DCAF10: variants seen among roughly 807,000 people sequenced by gnomAD.
DCAF10 encodes DDB1- and CUL4-associated factor 10.
DCAF10 carries 19 observed loss-of-function variants against 51.9 expected under a neutral mutation model. That is an observed-to-expected ratio of 0.37 (90% confidence interval 0.26 to 0.54). DCAF10 has a LOEUF of 0.54. Among genes scored for constraint, DCAF10 ranks in the 20% least tolerant of loss-of-function variants. The pLI is 0.87. For missense variants in DCAF10, 510 were observed against 730.6 expected, an observed-to-expected ratio of 0.70 and a Z score of 3.48; for synonymous variants, 291 against 297.1, an observed-to-expected ratio of 0.98 and a Z score of 0.21.
In DCAF10 at chr9:37,862,755, T is replaced by C. The variant is rs1831050334; in HGVS notation, c.*1247T>C. On this transcript the variant is annotated 3_prime_UTR_variant, in exon 7 of 7. Transcript: ENST00000377724. ...TCCTCCACATGGGTGGTACTGTGTTTAGAAGGGATTACCAAAGGCTGGAGC... is the reference window on the plus strand; with the variant it reads ...TCCTCCACATGGGTGGTACTGTGTTCAGAAGGGATTACCAAAGGCTGGAGC... 6.6e-6 allele frequency: 1 copy of C among 152,236 alleles called. No individual in the cohort carries two copies. The highest frequency in any genetic ancestry group is 1.5e-5 in the Non-Finnish European group (1 of 68,046). The allele number at this position is 152,236 out of a possible 1,614,324, so 9.4% of individuals were successfully genotyped here. A position where few individuals can be genotyped will look rare whatever the true frequency, so the allele number is the denominator to read the frequency against.
chr9:37,857,248 C>A lies in DCAF10; in HGVS notation c.1062C>A (p.Thr354=). Residue 354 remains threonine (T), a synonymous_variant, in exon 5 of 7, where the codon ACC becomes ACA. Transcript: ENST00000377724. The stretch of plus-strand genomic sequence containing the variant: ...ATTTTTTATATTTTTAAGATTTGAC[C>A]ACTTCATCAAGTTCATCTGGTCCTA... ...ARRTTSSSDL[T]TSSSSSGPRV... 1.3e-6 allele frequency: 2 copies of A among 1,587,286 alleles called. No individual in the cohort carries two copies. The highest frequency in any genetic ancestry group is 1.2e-5 in the South Asian group (1 of 86,148).
chr9:37,801,425 G>A lies in DCAF10; in HGVS notation c.539+20G>A. The A allele has an allele frequency of 2.8e-6, 4 of 1,431,654 alleles. No individual in the cohort carries two copies. The highest frequency in any genetic ancestry group is 3.7e-6 in the Non-Finnish European group (4 of 1,090,766). 88.7% of individuals were successfully genotyped at this position (1,431,654 alleles called of 1,614,324 possible). A position where few individuals can be genotyped will look rare whatever the true frequency, so the allele number is the denominator to read the frequency against. On this transcript the variant is annotated intron_variant, in intron 1 of 6. Transcript: ENST00000377724. This position sits in a 1 kb window ranked among gnomAD's most constrained non-coding sequence, Gnocchi z 5.5. Reference sequence around the variant, plus strand: ...CGACGGGTAAGCGCGGCCCCTCGGAGGGCGGGCGCCCGCCTCCGCCCGGCT... The same window carrying A: ...CGACGGGTAAGCGCGGCCCCTCGGAAGGCGGGCGCCCGCCTCCGCCCGGCT...
intron 1 of DCAF10, among the ~76,000 whole-genome samples, chr9:37,816,206 G>A (rs967421660): frequency 3.3e-5 from 5 of 152,216 alleles, no homozygotes; most frequent in South Asian, 2.1e-4. Flanking sequence ...ATACAATTTT[G>A]TTGAGAGAAT....
chr9:37,859,877 A>C (rs1830962028), intron 5 of DCAF10, among the ~76,000 whole-genome samples, 171 bp from the exon 6 acceptor site: 1 of 152,070 alleles, frequency 6.6e-6, no homozygotes, highest in Admixed American at 6.6e-5. Context: ...ACCCCGCCAA[A>C]ACTCACACAC....
At chr9:37,822,695 A>T (rs1274140690) in intron 2 of DCAF10, among the ~76,000 whole-genome samples, 1 of 152,110 alleles carries the variant, frequency 6.6e-6, no homozygotes, top group Non-Finnish European at 1.5e-5. Context: ...GGTGCAGTGT[A>T]TACTGCTTGG....
chr9:37,859,996 C>A, intron 5 of DCAF10, 52 bp from the exon 6 acceptor site: 1 of 1,606,418 alleles, frequency 6.2e-7, no homozygotes, highest in East Asian at 2.2e-5. Flanking sequence ...TGATGAACTG[C>A]CTTAGTTTTT....
Position 37,801,530 on chromosome 9 carries a change from C to G in DCAF10, c.539+125C>G, listed in dbSNP as rs531112553. 346 of 1,164,382 alleles carry G rather than the reference C, an allele frequency of 3.0e-4. 4 individuals carry two copies. In the African/African-American group the frequency reaches 5.1e-3, roughly 17 times the overall value. The allele number at this position is 1,164,382 out of a possible 1,614,324, so 72.1% of individuals were successfully genotyped here. A position where few individuals can be genotyped will look rare whatever the true frequency, so the allele number is the denominator to read the frequency against. On this transcript the variant is annotated intron_variant, in intron 1 of 6. Transcript: ENST00000377724. This position sits in a 1 kb window ranked among gnomAD's most constrained non-coding sequence, Gnocchi z 5.5. ...AGCGAGGCCGTTTGGGGCCGCTGGC[C>G]TTCGTGCCTCCTGGCACTTTCTGAA...
At chr9:37,817,954 T>C (rs536589761) in intron 1 of DCAF10, among the ~76,000 whole-genome samples, 336 of 152,298 alleles carry the variant, frequency 2.2e-3, no homozygotes, top group Non-Finnish European at 4.0e-3. Context: ...AAAAAGGGTT[T>C]ATGCAGACAA....
chr9:37,822,404 GAT>G (rs59549239), intron 2 of DCAF10, among the ~76,000 whole-genome samples: 7,675 of 123,026 alleles, frequency 0.062, 265 homozygotes, highest in Middle Eastern at 0.095. Context: ...AAGAAACTGT[GAT>G]ATATATATAT....
chr9:37,830,999 G>C (rs1330797232), intron 2 of DCAF10, among the ~76,000 whole-genome samples: 2 of 152,222 alleles, frequency 1.3e-5, no homozygotes, highest in Admixed American at 1.3e-4. Flanking sequence ...GAGGTGGGCA[G>C]ATTGCCTGAG....
rs559843565 is a variant in DCAF10, at chr9:37,801,470, G to A, written c.539+65G>A. ...CCGGCTCTGCTGCCAGCGGACGGCC[G>A]TCCTGGGCTCGCTCCCCGCGCCCGG... is the stretch of plus-strand genomic sequence containing the variant. On this transcript the variant is annotated intron_variant, in intron 1 of 6. Transcript: ENST00000377724. This position sits in a 1 kb window ranked among gnomAD's most constrained non-coding sequence, Gnocchi z 5.5. 108 of 1,352,268 alleles carry A rather than the reference G, an allele frequency of 8.0e-5. No individual in the cohort carries two copies. Among genetic ancestry groups the A allele is most frequent in the East Asian group, 1.2e-4 (4 of 32,198 alleles). 83.8% of individuals were successfully genotyped at this position (1,352,268 alleles called of 1,614,324 possible). A position where few individuals can be genotyped will look rare whatever the true frequency, so the allele number is the denominator to read the frequency against.
chr9:37,845,239 A>G (rs1204836482), intron 3 of DCAF10, among the ~76,000 whole-genome samples: 1 of 152,254 alleles, frequency 6.6e-6, no homozygotes, highest in South Asian at 2.1e-4. Flanking sequence ...TATGGAAATG[A>G]TAAGTGTAAA....
In DCAF10 at chr9:37,801,367, C is replaced by G. The variant is rs977176099; in HGVS notation, c.501C>G (p.Thr167=). The part of the protein sequence containing the change: ...PADSVYLSTR[T]HGAVFNLEYS... ...ACTCGGTGTACCTCAGCACCCGCAC[C>G]CACGGCGCCGTCTTCAACCTCGAGT... The change falls in exon 1 of 7, where the codon ACC becomes ACG. Residue 167 remains threonine, a synonymous_variant. Coordinates refer to ENST00000377724, the MANE Select transcript of DCAF10 (RefSeq NM_024345.5). This position sits in a 1 kb window ranked among gnomAD's most constrained non-coding sequence, Gnocchi z 5.5. 2 of 1,547,904 alleles carry G rather than the reference C, an allele frequency of 1.3e-6. No homozygotes were observed. Among genetic ancestry groups the G allele is most frequent in the African/African-American group, 1.4e-5 (1 of 70,064 alleles).
At position 37,825,860 on chromosome 9, in the gene DCAF10, A is replaced by G. The variant is rs564634882; in HGVS notation, c.653+6459A>G. Among the ~76,000 whole-genome samples the G allele has an allele frequency of 3.9e-5, 6 of 152,082 alleles. No individual in the cohort carries two copies. In the East Asian group the frequency reaches 1.2e-3, roughly 29 times the overall value. ...ATAGTGAAACCCCATCTCTACTAAAAATACAAAAAAACAAAAAAACAAAAA... is the reference window on the plus strand; with the variant it reads ...ATAGTGAAACCCCATCTCTACTAAAGATACAAAAAAACAAAAAAACAAAAA... On this transcript the variant is annotated intron_variant, in intron 2 of 6. Transcript: ENST00000377724.
intron 2 of DCAF10, among the ~76,000 whole-genome samples, chr9:37,824,428 G>GA (rs1207942318): frequency 2.6e-5 from 4 of 151,614 alleles, no homozygotes; most frequent in Non-Finnish European, 5.9e-5. Flanking sequence ...TATATGTAAT[G>GA]AAAAAAACTG....
In DCAF10 at chr9:37,800,861, T is replaced by C; in HGVS notation, c.-6T>C. On this transcript the variant is annotated 5_prime_UTR_variant, in exon 1 of 7. Transcript: ENST00000377724. ...TGGCCCGGAGCGGGGGGCGGGGGCGTTGATCATGTTTCCCTTTGGGCCCCA... is the reference window on the plus strand; with the variant it reads ...TGGCCCGGAGCGGGGGGCGGGGGCGCTGATCATGTTTCCCTTTGGGCCCCA... The C allele has an allele frequency of 2.0e-6, 3 of 1,488,370 alleles. No homozygotes were observed. Among genetic ancestry groups the C allele is most frequent in the Admixed American group, 2.3e-5 (1 of 44,150 alleles). 92.2% of individuals were successfully genotyped at this position (1,488,370 alleles called of 1,614,324 possible). A position where few individuals can be genotyped will look rare whatever the true frequency, so the allele number is the denominator to read the frequency against.
In DCAF10 at chr9:37,801,135, C is replaced by T. The variant is rs1017451713; in HGVS notation, c.269C>T (p.Pro90Leu). 4 of 1,537,058 alleles carry T rather than the reference C, an allele frequency of 2.6e-6. No individual in the cohort carries two copies. Among genetic ancestry groups the T allele is most frequent in the Non-Finnish European group, 3.5e-6 (4 of 1,144,268 alleles). ...STASAPGEPS[P>L]PSPPCRRPGP... ...GCCTCCGCCCCGGGAGAGCCGTCAC[C>T]TCCCTCCCCTCCGTGCCGGCGGCCC... Residue 90 changes from proline to leucine, a missense_variant, in exon 1 of 7, where the codon CCT becomes CTT. This residue lies in a region of DCAF10 where 251 missense variants were observed against 227.9 expected (regional missense o/e 1.10). Transcript: ENST00000377724. This position sits in a 1 kb window ranked among gnomAD's most constrained non-coding sequence, Gnocchi z 5.5.
rs199538284 is a variant in DCAF10, at chr9:37,861,274, C to G, written c.1446C>G (p.Pro482=). The G allele has an allele frequency of 3.7e-6, 6 of 1,614,026 alleles. No individual in the cohort carries two copies. Among genetic ancestry groups the G allele is most frequent in the Non-Finnish European group, 5.1e-6 (6 of 1,180,024 alleles). ...ACATCAAAGAACTTTGCTTCAGCCCCGATGGACGAATGATTTCTTCCCCAC... is the reference window on the plus strand; with the variant it reads ...ACATCAAAGAACTTTGCTTCAGCCCGGATGGACGAATGATTTCTTCCCCAC... ...RGYIKELCFS[P]DGRMISSPHG... Residue 482 remains proline, a synonymous_variant, in exon 7 of 7, where the codon CCC becomes CCG. Transcript: ENST00000377724. This position sits in a 1 kb window ranked among gnomAD's most constrained non-coding sequence, Gnocchi z 4.9.
At chr9:37,832,872 T>C (rs78712290) in intron 2 of DCAF10, among the ~76,000 whole-genome samples, 2,992 of 151,384 alleles carry the variant, frequency 0.02, 102 homozygotes, top group African/African-American at 0.07. Context: ...TTTTGTTTTG[T>C]TTTTTATTTT....
Sources: allele counts gnomAD v4.1 joint callset (sites outside exome capture counted in the v4.1 genomes callset), GRCh38; gene constraint gnomAD v4.1.1; regional missense constraint gnomAD v4.1.1; non-coding constraint Gnocchi (gnomAD v3.1); transcripts MANE v1.5; gene names NCBI Gene and HGNC (gene_info 2026-07-23, HGNC 2026-07-21).